The following KIF20B variants were observed in gnomAD, a reference collection of about 807,000 sequenced individuals.
The protein encoded by KIF20B is kinesin-like protein KIF20B.
In KIF20B, 188 loss-of-function variants were observed where a neutral mutation model predicts 232.5. The observed-to-expected ratio is 0.81, with a 90% CI of 0.72 to 0.91. KIF20B has a LOEUF of 0.91. Among genes scored for constraint, KIF20B ranks in the 40% least tolerant of loss-of-function variants. The pLI is 0.00. For synonymous variants in KIF20B, 712 were observed against 683.0 expected (o/e 1.04, Z -0.66); for missense variants, 2,154 against 2,055.9 (o/e 1.05, Z -0.92).
chr10:89,710,192 C>T, intron 5 of KIF20B, 127 bp downstream of exon 5: 2 of 721,010 alleles, frequency 2.8e-6, no homozygotes, highest in Non-Finnish European at 4.3e-6. Context: ...TTTAATAGTA[C>T]TAGCATATTA....
At position 89,737,846 on chromosome 10, in the gene KIF20B, C is replaced by G; in HGVS notation, c.3005C>G (p.Ser1002Ter). ...LRTLDSVSQI[S>*]NIDLLNLRDL... ...ACTCTTGATTCAGTTTCTCAGATTT[C>G]AAACATAGATTTGCTCAATCTCAGG... Residue 1002 changes from serine to a stop codon, truncating the protein, a stop_gained, in exon 20 of 33, where the codon TCA becomes TGA. Transcript: ENST00000371728. LOFTEE classifies it high-confidence loss of function. 2.5e-6 allele frequency: 4 copies of G among 1,613,430 alleles called. No individual in the cohort carries two copies. Among genetic ancestry groups the G allele is most frequent in the Non-Finnish European group, 3.4e-6 (4 of 1,179,568 alleles).
At position 89,752,572 on chromosome 10, in the gene KIF20B, GA is replaced by G; in HGVS notation, c.4233del (p.Lys1411AsnfsTer53). 6.3e-7 allele frequency: 1 copy of G among 1,594,878 alleles called. No individual in the cohort carries two copies. Among genetic ancestry groups the G allele is most frequent in the South Asian group, 1.1e-5 (1 of 87,880 alleles). On this transcript the variant is annotated frameshift_variant, in exon 25 of 33. Coordinates refer to ENST00000371728, the MANE Select transcript of KIF20B (RefSeq NM_001284259.2). LOFTEE classifies it high-confidence loss of function. ...EEVERLATEL[E>X]KWKEKCNDLE... Reference sequence around the variant, plus strand: ...ATTTTATGTCTTCAAATCAGAATTGGAAAAATGGAAGGAAAAATGCAATGAT... The same window carrying G: ...ATTTTATGTCTTCAAATCAGAATTGGAAAATGGAAGGAAAAATGCAATGAT...
rs1842701761 is a variant in KIF20B at position 89,705,390 on chromosome 10, C to T, written c.96C>T (p.Gly32=). 6.2e-7 allele frequency: 1 copy of T among 1,613,968 alleles called. No homozygotes were observed. The change falls in exon 2 of 33, where the codon GGC becomes GGT. Residue 32 remains glycine, a synonymous_variant. Coordinates refer to ENST00000371728, the MANE Select transcript of KIF20B (RefSeq NM_001284259.2). The part of the protein sequence containing the change: ...IARPSEINFD[G]IKLDLSHEFS... Reference sequence around the variant, plus strand: ...GGCCTTCAGAAATAAATTTCGATGGCATTAAGCTTGATCTGTCTCATGAAT... The same window carrying T: ...GGCCTTCAGAAATAAATTTCGATGGTATTAAGCTTGATCTGTCTCATGAAT...
intron 21 of KIF20B, among the ~76,000 whole-genome samples, chr10:89,741,456 G>C (rs936164013): frequency 3.9e-5 from 6 of 152,188 alleles, no homozygotes; most frequent in Admixed American, 3.9e-4. Flanking sequence ...TTACTCTAAT[G>C]ATGGGTATTA....
rs754884248 is a variant in KIF20B, at chr10:89,768,931, T to G, written c.5242+43T>G. On this transcript the variant is annotated intron_variant, in intron 31 of 32. Transcript: ENST00000371728. ...TAAATGACCTTTTTTTGTTAGATGT[T>G]GGGTATATTTTAATACCTAATTGAT... 6 of 1,502,638 alleles carry G rather than the reference T, an allele frequency of 4.0e-6. No individual in the cohort carries two copies. The South Asian group carries it at 6.3e-5, about 16-fold the overall frequency. The allele number at this position is 1,502,638 out of a possible 1,614,324, so 93.1% of individuals were successfully genotyped here.
chr10:89,718,792 A>G lies in KIF20B; in HGVS notation c.1354A>G (p.Met452Val), dbSNP rs1564660051. The change falls in exon 12 of 33, where the codon ATG (methionine) becomes GTG (valine). Residue 452 changes from methionine to valine, a missense_variant. Met to Val is a conservative substitution (Grantham distance 21, BLOSUM62 1). Transcript: ENST00000371728. ...TTTTAATGGTAAAGGGAAAATTTGT[A>G]TGATTGTCAATATCAGCCAATGTTA... ...SFFNGKGKIC[M>V]IVNISQCYLA... 3.1e-6 allele frequency: 5 copies of G among 1,609,926 alleles called. No homozygotes were observed. Among genetic ancestry groups the G allele is most frequent in the East Asian group, 2.2e-5 (1 of 44,790 alleles).
chr10:89,754,372 G>A (rs1054230210), intron 25 of KIF20B, 146 bp from the exon 26 acceptor site: 12 of 413,952 alleles, frequency 2.9e-5, no homozygotes, highest in African/African-American at 8.2e-5. Flanking sequence ...TAAATAATCT[G>A]AAGCTTTGAT....
At chr10:89,715,681 A>G (rs561050994) in intron 8 of KIF20B, among the ~76,000 whole-genome samples, 7 of 152,194 alleles carry the variant, frequency 4.6e-5, no homozygotes, top group Non-Finnish European at 7.3e-5. Context: ...AATATTTTCT[A>G]TATTCTTTGT....
At chr10:89,761,248 C>T (rs1842232438) in intron 28 of KIF20B, among the ~76,000 whole-genome samples, 1 of 151,998 alleles carries the variant, frequency 6.6e-6, no homozygotes, top group African/African-American at 2.4e-5. Context: ...GATTGTCATC[C>T]TCAAGGAGTG....
At chr10:89,707,912 GATA>G (rs1316935455) in intron 2 of KIF20B, among the ~76,000 whole-genome samples, 1 of 152,204 alleles carries the variant, frequency 6.6e-6, no homozygotes, top group Non-Finnish European at 1.5e-5. Context: ...CATCTGTAGA[GATA>G]AAAGTTTCTC....
chr10:89,752,278 T>C (rs1056592919), intron 24 of KIF20B, among the ~76,000 whole-genome samples: 17 of 152,086 alleles, frequency 1.1e-4, no homozygotes, highest in African/African-American at 4.1e-4. Flanking sequence ...AAAACTTTTT[T>C]CTTGAGGACT....
chr10:89,750,590 A>G (rs1361168749), intron 23 of KIF20B, among the ~76,000 whole-genome samples: 1 of 152,174 alleles, frequency 6.6e-6, no homozygotes, highest in Non-Finnish European at 1.5e-5. Flanking sequence ...ATCACCTCTG[A>G]CATCAGTAAT....
At position 89,762,645 on chromosome 10, in the gene KIF20B, C is replaced by G; in HGVS notation, c.4799C>G (p.Ser1600Cys). 3 of 1,611,302 alleles carry G rather than the reference C, an allele frequency of 1.9e-6. No homozygotes were observed. The highest frequency in any genetic ancestry group is 2.5e-6 in the Non-Finnish European group (3 of 1,177,748). The change falls in exon 29 of 33, where the codon TCT becomes TGT. Residue 1600 changes from serine to cysteine, a missense_variant. Physicochemically the swap from Ser to Cys is moderately radical, Grantham distance 112 (BLOSUM62 -1). Coordinates refer to ENST00000371728, the MANE Select transcript of KIF20B (RefSeq NM_001284259.2). Reference sequence around the variant, plus strand: ...TTTTACATTCTGTTGTAGGATGGATCTGTAGTCCTTGACTCTTGTGAAGTG... The same window carrying G: ...TTTTACATTCTGTTGTAGGATGGATGTGTAGTCCTTGACTCTTGTGAAGTG... ...EISRNKIEDGSVVLDSCEVST... is the reference protein window; with the variant it reads ...EISRNKIEDGCVVLDSCEVST...
chr10:89,754,426 G>GAAAAGTAAT (rs1431046374), intron 25 of KIF20B, 92 bp from the exon 26 acceptor site: 1 of 740,038 alleles, frequency 1.4e-6, no homozygotes, highest in African/African-American at 1.8e-5. Context: ...TTATAGAGGT[G>GAAAAGTAAT]AAAAGTAATG....
intron 19 of KIF20B, among the ~76,000 whole-genome samples, chr10:89,735,615 G>GT (rs1480331590): frequency 7.5e-6 from 1 of 133,082 alleles, no homozygotes; most frequent in African/African-American, 2.9e-5. Flanking sequence ...TTGGCTCACT[G>GT]TAACCTCCGT....
chr10:89,769,013 A>G (rs1193063218), intron 31 of KIF20B, 125 bp downstream of exon 31: 24 of 723,016 alleles, frequency 3.3e-5, no homozygotes, highest in Non-Finnish European at 4.6e-5. Context: ...ATTGTCCTAT[A>G]CTAGGTACTG....
intron 23 of KIF20B, among the ~76,000 whole-genome samples, chr10:89,747,909 A>T (rs1386569476): frequency 1.3e-5 from 2 of 152,180 alleles, no homozygotes; most frequent in East Asian, 1.9e-4. Context: ...AAAATTTTTA[A>T]AAAGCTGCTT....
At chr10:89,717,360 G>A (rs1842955092) in intron 9 of KIF20B, 64 bp from the exon 10 acceptor site, 3 of 984,338 alleles carry the variant, frequency 3.0e-6, no homozygotes, top group Non-Finnish European at 4.6e-6. Flanking sequence ...TTGAATACTT[G>A]TCTCTCCTAT....
intron 17 of KIF20B, among the ~76,000 whole-genome samples, chr10:89,728,915 G>A (rs1404301590): frequency 1.3e-5 from 1 of 78,544 alleles, no homozygotes; most frequent in African/African-American, 4.2e-5. Context: ...TTGTGTGTGT[G>A]TGTGTGTGTG....
Sources: gnomAD v4.1 joint callset for allele counts (sites outside exome capture counted in the v4.1 genomes callset) on GRCh38, gnomAD v4.1.1 for gene constraint, MANE v1.5 for transcripts, NCBI Gene and HGNC (gene_info 2026-07-23, HGNC 2026-07-21) for gene names.